USP49: variants seen among roughly 807,000 people sequenced by gnomAD.
USP49 encodes ubiquitin specific peptidase 49, also known as ubiquitin carboxyl-terminal hydrolase 49.
Under a neutral mutation model 58.6 loss-of-function variants are expected in USP49, and 24 were observed. The ratio of observed to expected loss-of-function variants is 0.41; its 90% CI spans 0.30 to 0.58. USP49 has a LOEUF of 0.58. Among genes scored for constraint, USP49 ranks in the 20% least tolerant of loss-of-function variants. The pLI, the probability that USP49 is intolerant of heterozygous loss-of-function variation, is 0.30. For synonymous variants in USP49, 408 were observed against 365.1 expected, an observed-to-expected ratio of 1.12 and a Z score of -1.34; for missense variants, 703 against 866.1, an observed-to-expected ratio of 0.81 and a Z score of 2.36.
At chr6:41,853,328 C>T (rs1774063850) in intron 3 of USP49, among the ~76,000 whole-genome samples, 1 of 152,070 alleles carries the variant, frequency 6.6e-6, no homozygotes, top group Admixed American at 6.6e-5. Flanking sequence ...CTAAAGAAGT[C>T]AAATTCATAG....
Position 41,793,832 on chromosome 6 carries a change from C to T in USP49, c.*2701G>A, listed in dbSNP as rs1289899842. The T allele has an allele frequency of 2.0e-5, 3 of 152,212 alleles. No homozygotes were observed. The highest frequency in any genetic ancestry group is 7.2e-5 in the African/African-American group (3 of 41,446). The allele number at this position is 152,212 out of a possible 1,614,324, so 9.4% of individuals were successfully genotyped here. A position where few individuals can be genotyped will look rare whatever the true frequency, so the allele number is the denominator to read the frequency against. Reference sequence around the variant, plus strand: ...TGGCTACAGCAGCAAGTAAACATGCCAGCCAACTAACTACAAAGGGTTCCT... The same window carrying T: ...TGGCTACAGCAGCAAGTAAACATGCTAGCCAACTAACTACAAAGGGTTCCT... On this transcript the variant is annotated 3_prime_UTR_variant, in exon 8 of 8. Coordinates refer to ENST00000682992, the MANE Select transcript of USP49 (RefSeq NM_001286554.2).
In USP49 at chr6:41,793,720, T is replaced by C. The variant is rs553585003; in HGVS notation, c.*2813A>G. 2 of 152,246 alleles carry C rather than the reference T, an allele frequency of 1.3e-5. No homozygotes were observed. The highest frequency in any genetic ancestry group is 4.8e-5 in the African/African-American group (2 of 41,526). The allele number at this position is 152,246 out of a possible 1,614,324, so 9.4% of individuals were successfully genotyped here. A position where few individuals can be genotyped will look rare whatever the true frequency, so the allele number is the denominator to read the frequency against. ...ATTTTTATACTAGCATGGATGTTCG[T>C]CTCAGAGGCAACCACAGATATGAGG... On this transcript the variant is annotated 3_prime_UTR_variant, in exon 8 of 8. Coordinates refer to ENST00000682992, the MANE Select transcript of USP49 (RefSeq NM_001286554.2).
chr6:41,802,223 A>AT (rs953617094), intron 5 of USP49, among the ~76,000 whole-genome samples: 2 of 151,430 alleles, frequency 1.3e-5, no homozygotes, highest in African/African-American at 4.8e-5. Flanking sequence ...AGGTCTTGCT[A>AT]TGCCACCAGG....
chr6:41,802,428 T>TTTTTTTTA (rs1773021973), intron 5 of USP49, among the ~76,000 whole-genome samples: 1 of 106,432 alleles, frequency 9.4e-6, no homozygotes, highest in Non-Finnish European at 1.9e-5. Flanking sequence ...TTTTATTTTA[T>TTTTTTTTA]TTTATTTATT....
At chr6:41,820,642 T>G (rs11753329) in intron 3 of USP49, among the ~76,000 whole-genome samples, 21,280 of 152,104 alleles carry the variant, frequency 0.14, 1,551 homozygotes, top group East Asian at 0.25. Flanking sequence ...TGAGGCTGGT[T>G]GACAGGTACA....
chr6:41,895,246 T>G (rs1470797746), intron 1 of USP49, 78 bp downstream of exon 1: 1 of 120,998 alleles, frequency 8.3e-6, no homozygotes, highest in Non-Finnish European at 1.7e-5. Context: ...CCGGCCCCCG[T>G]TCCCCCTACC....
chr6:41,820,539 G>C (rs1231489558), intron 3 of USP49, among the ~76,000 whole-genome samples: 2 of 151,534 alleles, frequency 1.3e-5, no homozygotes, highest in African/African-American at 4.9e-5. Context: ...TTAATATTAT[G>C]ATTGATATAT....
intron 3 of USP49, among the ~76,000 whole-genome samples, chr6:41,845,006 T>C (rs1327718220): frequency 2.6e-5 from 4 of 152,116 alleles, no homozygotes; most frequent in Non-Finnish European, 5.9e-5. Context: ...GTTCAAGCGA[T>C]TCTCCTGCCT....
At chr6:41,870,913 T>A (rs1170486678) in intron 3 of USP49, among the ~76,000 whole-genome samples, 1 of 151,628 alleles carries the variant, frequency 6.6e-6, no homozygotes, top group Admixed American at 6.6e-5. Flanking sequence ...TAGCCAGGTG[T>A]CGTGGCGGGT....
intron 2 of USP49, chr6:41,886,396 T>C (rs1774711861): frequency 6.6e-6 from 1 of 152,236 alleles, no homozygotes; most frequent in Non-Finnish European, 1.5e-5. Context: ...TCTATGATCA[T>C]TAAGCTATTA....
intron 3 of USP49, among the ~76,000 whole-genome samples, chr6:41,839,240 T>C (rs1773778398): frequency 6.6e-6 from 1 of 151,154 alleles, no homozygotes; most frequent in African/African-American, 2.4e-5. Flanking sequence ...ACCCTGTCTC[T>C]ACAAAAAATA....
chr6:41,847,285 G>T (rs1212130800), intron 3 of USP49, among the ~76,000 whole-genome samples: 1 of 152,124 alleles, frequency 6.6e-6, no homozygotes, highest in Admixed American at 6.5e-5. Flanking sequence ...AAAACTAAAT[G>T]AAATGAAGAA....
At chr6:41,823,055 A>AG (rs1336670728) in intron 3 of USP49, among the ~76,000 whole-genome samples, 2 of 152,234 alleles carry the variant, frequency 1.3e-5, no homozygotes, top group African/African-American at 4.8e-5. Flanking sequence ...AAAAAGGGGC[A>AG]GGGCTATATG....
At chr6:41,849,689 C>A (rs1773987430) in intron 3 of USP49, among the ~76,000 whole-genome samples, 1 of 151,230 alleles carries the variant, frequency 6.6e-6, no homozygotes, top group Admixed American at 6.6e-5. Flanking sequence ...CTCACTGCAA[C>A]CTCTGCCTCC....
At chr6:41,856,927 T>C (rs547643653) in intron 3 of USP49, among the ~76,000 whole-genome samples, 4 of 152,302 alleles carry the variant, frequency 2.6e-5, no homozygotes, top group South Asian at 2.1e-4. Context: ...ACATGGTATA[T>C]ATAGGGTTCA....
intron 2 of USP49, among the ~76,000 whole-genome samples, chr6:41,886,132 C>T (rs543225034): frequency 1.4e-3 from 209 of 152,228 alleles, no homozygotes; most frequent in African/African-American, 4.7e-3. Flanking sequence ...TTAACCTGAC[C>T]TTTGACCTCT....
At position 41,883,800 on chromosome 6, in the gene USP49, C is replaced by A. The variant is rs138705475; in HGVS notation, c.-103+7994G>T. 1.4e-4 allele frequency among the ~76,000 whole-genome samples: 21 copies of A among 152,086 alleles called. No individual in the cohort carries two copies. In the East Asian group the frequency reaches 3.7e-3, roughly 27 times the overall value. On this transcript the variant is annotated intron_variant, in intron 2 of 7. Transcript: ENST00000682992. Reference sequence around the variant, plus strand: ...GCCTCATAGTACTTATGCCGCAATGCCACTCCTGGGTCTGTGCCCCTGAGA... The same window carrying A: ...GCCTCATAGTACTTATGCCGCAATGACACTCCTGGGTCTGTGCCCCTGAGA...
chr6:41,854,031 G>GGTA (rs1247176771), intron 3 of USP49, among the ~76,000 whole-genome samples: 5 of 145,004 alleles, frequency 3.4e-5, no homozygotes, highest in Non-Finnish European at 7.5e-5. Context: ...AAAGAAGCAG[G>GGTA]GTAGGCCAGG....
intron 3 of USP49, among the ~76,000 whole-genome samples, chr6:41,866,777 T>C (rs548006186): frequency 1.3e-5 from 2 of 152,338 alleles, no homozygotes; most frequent in East Asian, 1.9e-4. Context: ...AAGACTTCAT[T>C]GCACACTCGT....
Sources: gnomAD v4.1 joint callset for allele counts (sites outside exome capture counted in the v4.1 genomes callset) on GRCh38, gnomAD v4.1.1 for gene constraint, MANE v1.5 for transcripts, NCBI Gene and HGNC (gene_info 2026-07-23, HGNC 2026-07-21) for gene names.